ACBD6: variants seen among roughly 807,000 people sequenced by gnomAD.
ACBD6 encodes the protein acyl-CoA-binding domain-containing protein 6.
ACBD6 carries 28 observed loss-of-function variants against 37.2 expected under a neutral mutation model. That is an observed-to-expected ratio of 0.75 (90% confidence interval 0.56 to 1.03). The LOEUF (loss-of-function observed/expected upper bound fraction) is 1.03, where lower values mean the gene tolerates loss of function less well. Among genes scored for constraint, ACBD6 ranks in the 50% least tolerant of loss-of-function variants. ACBD6 has a pLI of 0.00. For missense variants in ACBD6, 340 were observed against 337.4 expected (o/e 1.01, Z -0.06); for synonymous variants, 113 against 126.8 (o/e 0.89, Z 0.73).
intron 6 of ACBD6, among the ~76,000 whole-genome samples, chr1:180,393,682 G>A (rs76284034): frequency 0.015 from 2,226 of 152,270 alleles, 27 homozygotes; most frequent in Non-Finnish European, 0.022. Context: ...TATTCTGAGC[G>A]CTAATCTCCA....
chr1:180,350,245 G>T (rs1652358044), intron 6 of ACBD6, among the ~76,000 whole-genome samples: 1 of 151,988 alleles, frequency 6.6e-6, no homozygotes, highest in East Asian at 1.9e-4. Flanking sequence ...TGTTGCTCAG[G>T]CTGGTCTCCA....
At chr1:180,336,962 G>T (rs1651746778) in intron 6 of ACBD6, among the ~76,000 whole-genome samples, 1 of 152,160 alleles carries the variant, frequency 6.6e-6, no homozygotes, top group Non-Finnish European at 1.5e-5. Flanking sequence ...CCAGGAAGAA[G>T]TTGAATCTCT....
chr1:180,332,574 G>A (rs1252035479), intron 6 of ACBD6, among the ~76,000 whole-genome samples: 4 of 151,748 alleles, frequency 2.6e-5, no homozygotes, highest in African/African-American at 9.7e-5. Context: ...TGCTCCTTAT[G>A]AGAATCTAAT....
chr1:180,336,980 C>T (rs1032864708), intron 6 of ACBD6, among the ~76,000 whole-genome samples: 2 of 152,248 alleles, frequency 1.3e-5, no homozygotes, highest in South Asian at 2.1e-4. Flanking sequence ...TCTGAAGAGA[C>T]CAATAACAGG....
At chr1:180,383,848 G>T (rs1273450334) in intron 6 of ACBD6, among the ~76,000 whole-genome samples, 1 of 152,014 alleles carries the variant, frequency 6.6e-6, no homozygotes, top group Non-Finnish European at 1.5e-5. Flanking sequence ...ACAGAATAGG[G>T]AATCCAGAAG....
rs71765828 is a variant in ACBD6 at position 180,476,815 on chromosome 1, ACT to A, written c.384+15452_384+15453del. On this transcript the variant is annotated intron_variant, in intron 3 of 7. Transcript: ENST00000367595. ...CGCTCAGCCTGGGCAACAGAGTGAG[ACT>A]CTGTCTCAAAAAAAGCACAAAAAAC... 7.0e-3 allele frequency among the ~76,000 whole-genome samples: 1,072 copies of A among 152,178 alleles called. 8 individuals are homozygous for A. The highest frequency in any genetic ancestry group is 0.024 in the African/African-American group (1,000 of 41,496).
At chr1:180,501,905 C>CAAAAAAAAAAAAAAA in intron 1 of ACBD6, 140 bp downstream of exon 1, 1 of 611,206 alleles carries the variant, frequency 1.6e-6, no homozygotes, top group Non-Finnish European at 2.8e-6. Flanking sequence ...AGCAGATGGT[C>CAAAAAAAAAAAAAAA]AAAAAAAAAA....
chr1:180,399,305 T>C (rs1002251430), intron 5 of ACBD6, among the ~76,000 whole-genome samples: 2 of 152,268 alleles, frequency 1.3e-5, no homozygotes, highest in African/African-American at 4.8e-5. Context: ...GTTTTGCTCT[T>C]TTGCTGAGGC....
At chr1:180,315,206 C>T (rs1022666357) in intron 6 of ACBD6, among the ~76,000 whole-genome samples, 1 of 152,062 alleles carries the variant, frequency 6.6e-6, no homozygotes, top group African/African-American at 2.4e-5. Context: ...ATAACCAGAT[C>T]AAATATCATA....
At chr1:180,294,090 TCA>T (rs1419636047) in intron 7 of ACBD6, among the ~76,000 whole-genome samples, 1 of 151,820 alleles carries the variant, frequency 6.6e-6, no homozygotes, top group African/African-American at 2.4e-5. Context: ...AGACAGGGTT[TCA>T]CCATGTTGGC....
At chr1:180,408,707 G>A (rs548674641) in intron 5 of ACBD6, among the ~76,000 whole-genome samples, 33 of 152,128 alleles carry the variant, frequency 2.2e-4, no homozygotes, top group African/African-American at 7.0e-4. Context: ...ATATAATTAC[G>A]TTAGGAGGGT....
chr1:180,486,696 T>C (rs1243151931), intron 3 of ACBD6, among the ~76,000 whole-genome samples: 2 of 152,166 alleles, frequency 1.3e-5, no homozygotes, highest in Non-Finnish European at 2.9e-5. Flanking sequence ...TCTCAAACTG[T>C]TTCCCCACAA....
rs371665033 is a variant in ACBD6 at position 180,380,670 on chromosome 1, C to A, written c.663+16846G>T. ...CCAGAAGTGAAACAACAATAACTACCATCATGAAGACACGTGAAAATATAA... is the reference window on the plus strand; with the variant it reads ...CCAGAAGTGAAACAACAATAACTACAATCATGAAGACACGTGAAAATATAA... On this transcript the variant is annotated intron_variant, in intron 6 of 7. Transcript: ENST00000367595. 1.5e-4 allele frequency among the ~76,000 whole-genome samples: 22 copies of A among 151,474 alleles called. 1 individual carries two copies. In the South Asian group the frequency reaches 4.6e-3, roughly 32 times the overall value.
rs747313564 is a variant in ACBD6, at chr1:180,391,412, C to T, written c.663+6104G>A. On this transcript the variant is annotated intron_variant, in intron 6 of 7. Coordinates refer to ENST00000367595, the MANE Select transcript of ACBD6 (RefSeq NM_032360.4). ...GTATCTGCAAATCACACATCTGAAA[C>T]GAGACTTGTATCCAAAACATATAAC... is the stretch of plus-strand genomic sequence containing the variant. Among the ~76,000 whole-genome samples the T allele has an allele frequency of 3.9e-5, 6 of 152,014 alleles. 1 individual carries two copies. The highest frequency in any genetic ancestry group is 7.4e-5 in the Non-Finnish European group (5 of 67,982).
intron 6 of ACBD6, among the ~76,000 whole-genome samples, chr1:180,356,028 C>T (rs1470630074): frequency 1.8e-5 from 2 of 110,238 alleles, no homozygotes; most frequent in South Asian, 4.5e-4. Context: ...CCACCACGCC[C>T]GGCTAATTTT....
At chr1:180,374,000 A>G (rs1653348787) in intron 6 of ACBD6, among the ~76,000 whole-genome samples, 1 of 152,214 alleles carries the variant, frequency 6.6e-6, no homozygotes, top group Non-Finnish European at 1.5e-5. Context: ...TATTAAAAGC[A>G]ATGCAAAATT....
chr1:180,399,478 C>A (rs2101954079), intron 5 of ACBD6, among the ~76,000 whole-genome samples: 1 of 152,212 alleles, frequency 6.6e-6, no homozygotes, highest in Non-Finnish European at 1.5e-5. Flanking sequence ...CCATGTTGGC[C>A]AGGCTGGTCT....
intron 6 of ACBD6, among the ~76,000 whole-genome samples, chr1:180,388,540 T>C (rs1571441650): frequency 6.6e-6 from 1 of 152,204 alleles, no homozygotes; most frequent in Non-Finnish European, 1.5e-5. Flanking sequence ...ACTAACAAAC[T>C]GTCAGAACTA....
intron 6 of ACBD6, among the ~76,000 whole-genome samples, chr1:180,337,867 A>G (rs1023759476): frequency 1.1e-4 from 17 of 152,126 alleles, no homozygotes; most frequent in South Asian, 2.1e-4. Context: ...ATAACAGACA[A>G]ACAGCCAAAT....
Sources: gnomAD v4.1 joint callset for allele counts (sites outside exome capture counted in the v4.1 genomes callset) on GRCh38, gnomAD v4.1.1 for gene constraint, MANE v1.5 for transcripts, NCBI Gene and HGNC (gene_info 2026-07-23, HGNC 2026-07-21) for gene names.